ZNF207: variants seen among roughly 807,000 people sequenced by gnomAD.
ZNF207 encodes BUB3-interacting and GLEBS motif-containing protein ZNF207.
A neutral mutation model predicts 60.2 loss-of-function variants in ZNF207; 24 were observed. That is an observed-to-expected ratio of 0.40 (90% CI 0.29 to 0.56). ZNF207 has a LOEUF of 0.56. Ranked by LOEUF, ZNF207 falls within the 20% of genes least tolerant of loss-of-function variation. The probability of loss-of-function intolerance (pLI) is 0.49; values close to 1 mark genes in which losing one functional copy is unlikely to be tolerated. For missense variants in ZNF207, 452 were observed against 636.6 expected, an observed-to-expected ratio of 0.71 and a Z score of 3.12; for synonymous variants, 236 against 194.7, an observed-to-expected ratio of 1.21 and a Z score of -1.77.
At chr17:32,355,484 G>A (rs1040748638) in intron 2 of ZNF207, among the ~76,000 whole-genome samples, 1 of 152,206 alleles carries the variant, frequency 6.6e-6, no homozygotes. Flanking sequence ...TTAATTTTGA[G>A]TGTAGGTATG....
intron 2 of ZNF207, among the ~76,000 whole-genome samples, chr17:32,352,942 C>T (rs995920341): frequency 6.6e-6 from 1 of 152,338 alleles, no homozygotes; most frequent in Non-Finnish European, 1.5e-5. Context: ...TTTGGGAGGC[C>T]AAGGTGGGCG....
intron 2 of ZNF207, among the ~76,000 whole-genome samples, chr17:32,357,332 TA>T (rs1164892746): frequency 4.4e-4 from 40 of 90,938 alleles, no homozygotes; most frequent in African/African-American, 1.4e-3. Context: ...TTATTATTAT[TA>T]TTATTATTAT....
At position 32,371,192 on chromosome 17, in the gene ZNF207, TTAATA is replaced by T. The variant is rs1411679063; in HGVS notation, c.*1438_*1442del. ...GGCATCAAATAACCTATGCAAAGTA[TTAATA>T]TAATGAACTCAAGTTGAGTTTTTCT... On this transcript the variant is annotated 3_prime_UTR_variant, in exon 12 of 12. Coordinates refer to ENST00000394670, the MANE Select transcript of ZNF207 (RefSeq NM_001098507.2). The T allele has an allele frequency of 6.6e-6, 1 of 152,216 alleles. No homozygotes were observed. The highest frequency in any genetic ancestry group is 1.5e-5 in the Non-Finnish European group (1 of 68,028). The allele number at this position is 152,216 out of a possible 1,614,324, so 9.4% of individuals were successfully genotyped here. A position where few individuals can be genotyped will look rare whatever the true frequency, so the allele number is the denominator to read the frequency against.
chr17:32,355,700 A>G (rs1175409029), intron 2 of ZNF207, among the ~76,000 whole-genome samples: 6 of 152,206 alleles, frequency 3.9e-5, no homozygotes, highest in Non-Finnish European at 7.3e-5. Context: ...GCCACTTCCA[A>G]CATTTGAAGG....
intron 2 of ZNF207, among the ~76,000 whole-genome samples, chr17:32,355,825 G>A (rs1904475162): frequency 6.6e-6 from 1 of 152,186 alleles, no homozygotes; most frequent in African/African-American, 2.4e-5. Flanking sequence ...GTCAAATGCT[G>A]GTTCAGTAAG....
chr17:32,376,837 C>G lies in ZNF207; in HGVS notation c.*7078C>G, dbSNP rs970258508. 5 of 152,022 alleles carry G rather than the reference C, an allele frequency of 3.3e-5. No homozygotes were observed. Among genetic ancestry groups the G allele is most frequent in the African/African-American group, 1.2e-4 (5 of 41,416 alleles). 9.4% of individuals were successfully genotyped at this position (152,022 alleles called of 1,614,324 possible). A position where few individuals can be genotyped will look rare whatever the true frequency, so the allele number is the denominator to read the frequency against. ...AATGGTTGATTACTTGGAACCCACC[C>G]ATTAATTCTAAATGATGTAATGGTC... is the stretch of plus-strand genomic sequence containing the variant. On this transcript the variant is annotated 3_prime_UTR_variant, in exon 12 of 12. Transcript: ENST00000394670.
chr17:32,350,922 G>C (rs2041494338), intron 1 of ZNF207: 1 of 150,368 alleles, frequency 6.7e-6, no homozygotes, highest in South Asian at 2.1e-4. Context: ...TTCAGGAAGC[G>C]TTCTCACAGG....
chr17:32,372,192 C>G lies in ZNF207; in HGVS notation c.*2433C>G, dbSNP rs1466319763. 2 of 152,022 alleles carry G rather than the reference C, an allele frequency of 1.3e-5. No individual in the cohort carries two copies. Among genetic ancestry groups the G allele is most frequent in the Non-Finnish European group, 2.9e-5 (2 of 68,132 alleles). 9.4% of individuals were successfully genotyped at this position (152,022 alleles called of 1,614,324 possible). On this transcript the variant is annotated 3_prime_UTR_variant, in exon 12 of 12. Coordinates refer to ENST00000394670, the MANE Select transcript of ZNF207 (RefSeq NM_001098507.2). ...GCGGATGCCTGTAGTCCCAACTACT[C>G]TGGAGACCGAGGCAGGAGAATGGCG...
chr17:32,357,208 A>G (rs2150790654), intron 2 of ZNF207, among the ~76,000 whole-genome samples: 1 of 150,450 alleles, frequency 6.6e-6, no homozygotes, highest in Admixed American at 6.6e-5. Flanking sequence ...AAAATGCCTC[A>G]CGTAACTCAT....
At chr17:32,351,174 G>T (rs1298305051) in intron 1 of ZNF207, 1 of 160,784 alleles carries the variant, frequency 6.2e-6, no homozygotes, top group Non-Finnish European at 1.4e-5. Flanking sequence ...GAAAATCTGA[G>T]TAGTGAGGTA....
At chr17:32,367,696 G>A in intron 9 of ZNF207, 76 bp from the exon 10 acceptor site, 4 of 1,553,334 alleles carry the variant, frequency 2.6e-6, no homozygotes, top group Non-Finnish European at 3.5e-6. Flanking sequence ...TTGATGCCTT[G>A]TTTTAAGTTA....
rs979333035 is a variant in ZNF207, at chr17:32,379,007, A to ATT, written c.*9249_*9250dup. 6.6e-6 allele frequency: 1 copy of ATT among 152,108 alleles called. No individual in the cohort carries two copies. Among genetic ancestry groups the ATT allele is most frequent in the Non-Finnish European group, 1.5e-5 (1 of 67,942 alleles). The allele number at this position is 152,108 out of a possible 1,614,324, so 9.4% of individuals were successfully genotyped here. A position where few individuals can be genotyped will look rare whatever the true frequency, so the allele number is the denominator to read the frequency against. The stretch of plus-strand genomic sequence containing the variant: ...CATTGTGAAAACAGATTATATGGAA[A>ATT]TTGTGCATATTGCTAAATTTTAAAA... On this transcript the variant is annotated 3_prime_UTR_variant, in exon 12 of 12. Transcript: ENST00000394670.
At chr17:32,358,729 G>C in intron 3 of ZNF207, 88 bp downstream of exon 3, 2 of 1,069,684 alleles carry the variant, frequency 1.9e-6, no homozygotes, top group Non-Finnish European at 2.4e-6. Context: ...TCCAGCCGAG[G>C]CTGGAGTACA....
chr17:32,359,000 A>T (rs1904704991), intron 3 of ZNF207, among the ~76,000 whole-genome samples: 1 of 152,094 alleles, frequency 6.6e-6, no homozygotes, highest in Non-Finnish European at 1.5e-5. Context: ...GGGTTTTACC[A>T]TGTTGGTCAG....
At position 32,381,194 on chromosome 17, in the gene ZNF207, C is replaced by G. The variant is rs538801533; in HGVS notation, c.*11435C>G. ...AGATTGCAAAGGTTAGTAAAGGGAC[C>G]TGTCTGTCAGGTCAATCTTCGGTCT... is the stretch of plus-strand genomic sequence containing the variant. On this transcript the variant is annotated 3_prime_UTR_variant, in exon 12 of 12. Transcript: ENST00000394670. 4 of 152,212 alleles carry G rather than the reference C, an allele frequency of 2.6e-5. No individual in the cohort carries two copies. In the East Asian group the frequency reaches 7.7e-4, roughly 29 times the overall value. 9.4% of individuals were successfully genotyped at this position (152,212 alleles called of 1,614,324 possible).
rs1905595618 is a variant in ZNF207, at chr17:32,374,266, A to G, written c.*4507A>G. 2.8e-5 allele frequency: 3 copies of G among 106,760 alleles called. No homozygotes were observed. In the South Asian group the frequency reaches 9.5e-4, roughly 34 times the overall value. 6.6% of individuals were successfully genotyped at this position (106,760 alleles called of 1,614,324 possible). A position where few individuals can be genotyped will look rare whatever the true frequency, so the allele number is the denominator to read the frequency against. On this transcript the variant is annotated 3_prime_UTR_variant, in exon 12 of 12. Coordinates refer to ENST00000394670, the MANE Select transcript of ZNF207 (RefSeq NM_001098507.2). ...ACTGTCTCGCTGTGTCACCCAGGCC[A>G]GAGTGCAGTAGCACGATCTCAGCTC...
At chr17:32,358,727 A>C in intron 3 of ZNF207, 86 bp downstream of exon 3, 8 of 1,053,218 alleles carry the variant, frequency 7.6e-6, no homozygotes, top group African/African-American at 1.7e-5. Context: ...TGTCCAGCCG[A>C]GGCTGGAGTA....
Position 32,363,651 on chromosome 17 carries a change from C to T in ZNF207, c.670+667C>T, listed in dbSNP as rs1905013563. 3.3e-5 allele frequency among the ~76,000 whole-genome samples: 5 copies of T among 149,454 alleles called. No homozygotes were observed. The South Asian group carries it at 1.1e-3, about 32-fold the overall frequency. Reference sequence around the variant, plus strand: ...GGTTCAAGTGATTCTCCTGCCTCAGCCTCCCGAGTAGCTGGGAGTACAGGC... The same window carrying T: ...GGTTCAAGTGATTCTCCTGCCTCAGTCTCCCGAGTAGCTGGGAGTACAGGC... On this transcript the variant is annotated intron_variant, in intron 7 of 11. Coordinates refer to ENST00000394670, the MANE Select transcript of ZNF207 (RefSeq NM_001098507.2).
intron 9 of ZNF207, among the ~76,000 whole-genome samples, chr17:32,367,541 G>A (rs1314023956): frequency 2.0e-5 from 3 of 151,778 alleles, no homozygotes; most frequent in Non-Finnish European, 4.4e-5. Flanking sequence ...AGTTAAATAT[G>A]CAGTCTTATT....
Sources: allele counts gnomAD v4.1 joint callset (sites outside exome capture counted in the v4.1 genomes callset), GRCh38; gene constraint gnomAD v4.1.1; transcripts MANE v1.5; gene names NCBI Gene and HGNC (gene_info 2026-07-23, HGNC 2026-07-21).